TFB1M: variants seen among roughly 807,000 people sequenced by gnomAD.
The protein encoded by TFB1M is transcription factor B1, mitochondrial, also known as dimethyladenosine transferase 1, mitochondrial.
Under a neutral mutation model 31.1 loss-of-function variants are expected in TFB1M, and 27 were observed. The ratio of observed to expected loss-of-function variants is 0.87; its 90% CI spans 0.64 to 1.20. TFB1M has a LOEUF of 1.20. Ranked by LOEUF, TFB1M falls within the 50% of genes most tolerant of loss-of-function variation. The probability of loss-of-function intolerance (pLI) is 0.00; values close to 1 mark genes in which losing one functional copy is unlikely to be tolerated. For missense variants in TFB1M, 394 were observed against 418.7 expected (o/e 0.94, Z 0.51); for synonymous variants, 166 against 151.8 (o/e 1.09, Z -0.69).
intron 5 of TFB1M, among the ~76,000 whole-genome samples, chr6:155,281,663 A>G (rs993891877): frequency 1.4e-5 from 2 of 139,438 alleles, no homozygotes; most frequent in African/African-American, 5.3e-5. Context: ...TGGAGGTTGC[A>G]GTGAGCCGAG....
At position 155,256,610 on chromosome 6, in the gene TFB1M, GC is replaced by G; in HGVS notation, c.*1225del. The G allele has an allele frequency of 1.2e-6, 2 of 1,614,164 alleles. No homozygotes were observed. The highest frequency in any genetic ancestry group is 1.7e-6 in the Non-Finnish European group (2 of 1,180,012). The stretch of plus-strand genomic sequence containing the variant: ...AGCAGCGGCACCCAGAGCAGCGGCT[GC>G]CCCACGGCTGAGGGCAGGCAGGACT... On this transcript the variant is annotated 3_prime_UTR_variant, in exon 7 of 7. Coordinates refer to ENST00000367166, the MANE Select transcript of TFB1M (RefSeq NM_016020.4).
intron 2 of TFB1M, among the ~76,000 whole-genome samples, chr6:155,306,945 TC>T (rs1777793429): frequency 6.6e-6 from 1 of 151,860 alleles, no homozygotes; most frequent in Non-Finnish European, 1.5e-5. Flanking sequence ...AATGGTGAAA[TC>T]CCATTTCTAC....
chr6:155,256,867 G>T lies in TFB1M; in HGVS notation c.*969C>A. On this transcript the variant is annotated 3_prime_UTR_variant, in exon 7 of 7. Coordinates refer to ENST00000367166, the MANE Select transcript of TFB1M (RefSeq NM_016020.4). ...GCAGCCTGGCCCGGAGTCGGGTGAG[G>T]GTCAGAAAGGAGGAGAGCAGCCCAA... is the stretch of plus-strand genomic sequence containing the variant. 6.2e-6 allele frequency: 10 copies of T among 1,614,154 alleles called. No homozygotes were observed. The highest frequency in any genetic ancestry group is 8.5e-6 in the Non-Finnish European group (10 of 1,180,028).
chr6:155,267,564 G>A (rs897127133), intron 5 of TFB1M, among the ~76,000 whole-genome samples: 3 of 152,216 alleles, frequency 2.0e-5, no homozygotes, highest in African/African-American at 7.2e-5. Context: ...AGTGACGACA[G>A]CAGGTAAAAC....
chr6:155,311,024 G>T, intron 2 of TFB1M, 164 bp downstream of exon 2: 1 of 755,970 alleles, frequency 1.3e-6, no homozygotes. Context: ...GAGATTTCCA[G>T]ATTTCTCCAG....
At chr6:155,251,874 G>A (rs1257455069), downstream of TFB1M, 14 of 1,229,022 alleles carry the variant, frequency 1.1e-5, no homozygotes, top group Middle Eastern at 2.5e-4. Flanking sequence ...CTGTTAAGAC[G>A]TTCAGCTCTA....
rs111319813 is a variant in TFB1M at position 155,256,247 on chromosome 6, A to G, written c.*1589T>C. 1,510 of 614,732 alleles carry G rather than the reference A, an allele frequency of 2.5e-3. 23 individuals are homozygous for G. In the African/African-American group the frequency reaches 0.026, roughly 10 times the overall value. The allele number at this position is 614,732 out of a possible 1,614,324, so 38.1% of individuals were successfully genotyped here. A position where few individuals can be genotyped will look rare whatever the true frequency, so the allele number is the denominator to read the frequency against. On this transcript the variant is annotated 3_prime_UTR_variant, in exon 7 of 7. Coordinates refer to ENST00000367166, the MANE Select transcript of TFB1M (RefSeq NM_016020.4). The stretch of plus-strand genomic sequence containing the variant: ...TCTAGTGTCTAGTTCTATTTACATA[A>G]TTGAGCTCTGGTAATCTAAAAATGC...
intron 2 of TFB1M, among the ~76,000 whole-genome samples, chr6:155,305,230 AT>A (rs1562424752): frequency 0.17 from 7,709 of 45,808 alleles, 2,228 homozygotes; most frequent in East Asian, 0.86. Context: ...TTATATATAT[AT>A]ATTAAATTAT....
chr6:155,306,611 A>G (rs1354755322), intron 2 of TFB1M, among the ~76,000 whole-genome samples: 1 of 152,196 alleles, frequency 6.6e-6, no homozygotes, highest in African/African-American at 2.4e-5. Context: ...TAAGTAAAAG[A>G]TACCAGACCA....
intron 5 of TFB1M, among the ~76,000 whole-genome samples, chr6:155,273,353 CA>C (rs1234748184): frequency 1.3e-5 from 2 of 152,140 alleles, no homozygotes; most frequent in African/African-American, 4.8e-5. Context: ...AGATTATGAA[CA>C]AAAACAGAAC....
At chr6:155,240,761 T>C in the TFB1M span, 1 of 1,555,304 alleles carries the variant, frequency 6.4e-7, no homozygotes, top group Non-Finnish European at 8.7e-7. Flanking sequence ...TGATGGCAAG[T>C]GGTATGCTGG....
rs530792294 is a variant in TFB1M, at chr6:155,272,933, G to A, written c.666+12225C>T. 5.8e-4 allele frequency among the ~76,000 whole-genome samples: 89 copies of A among 152,270 alleles called. 3 individuals carry two copies. The South Asian group carries it at 0.016, about 28-fold the overall frequency. The stretch of plus-strand genomic sequence containing the variant: ...GGAAGAAAAGGATTATAATTGGTAA[G>A]CTGAACATAGATTGACAACAAAGGT... On this transcript the variant is annotated intron_variant, in intron 5 of 6. Coordinates refer to ENST00000367166, the MANE Select transcript of TFB1M (RefSeq NM_016020.4).
At chr6:155,293,738 A>G (rs1777035780) in intron 4 of TFB1M, among the ~76,000 whole-genome samples, 1 of 152,148 alleles carries the variant, frequency 6.6e-6, no homozygotes. Flanking sequence ...TTTCAAAATA[A>G]TTATTTATCT....
downstream of TFB1M, chr6:155,253,554 T>G (rs1357973228): frequency 5.8e-6 from 1 of 172,462 alleles, no homozygotes; most frequent in Non-Finnish European, 1.2e-5. Context: ...CCTGCTGGGC[T>G]TCTGTTTAAC....
the TFB1M span, among the ~76,000 whole-genome samples, chr6:155,230,914 A>T: frequency 6.6e-6 from 1 of 151,600 alleles, no homozygotes; most frequent in Non-Finnish European, 1.5e-5. Flanking sequence ...GCTCACTGCA[A>T]CCTCTGCCTC....
chr6:155,241,380 G>C, the TFB1M span, among the ~76,000 whole-genome samples: 1 of 152,220 alleles, frequency 6.6e-6, no homozygotes, highest in Admixed American at 6.5e-5. Context: ...TCATTTGTCA[G>C]TTACTGAAGC....
the TFB1M span, chr6:155,244,911 A>G: frequency 8.5e-7 from 1 of 1,178,310 alleles, no homozygotes; most frequent in Non-Finnish European, 1.1e-6. Flanking sequence ...TCCTGTGACT[A>G]TTTCCTTGCA....
chr6:155,267,626 C>T (rs939342230), intron 5 of TFB1M, among the ~76,000 whole-genome samples: 3 of 152,150 alleles, frequency 2.0e-5, no homozygotes, highest in Non-Finnish European at 4.4e-5. Context: ...TAAAACTGGT[C>T]TTGGTGTTAC....
Position 155,263,511 on chromosome 6 carries a change from T to C in TFB1M, c.667-3111A>G, listed in dbSNP as rs544249991. ...ACAAGCTAAGACTGTTTCTCAGTGT[T>C]AGCAGCCTTGGCCATAACAGGCCCG... On this transcript the variant is annotated intron_variant, in intron 5 of 6. Transcript: ENST00000367166. Among the ~76,000 whole-genome samples the C allele has an allele frequency of 1.3e-4, 20 of 152,306 alleles. 1 individual carries two copies. The highest frequency in any genetic ancestry group is 4.6e-4 in the African/African-American group (19 of 41,582).
Sources: allele counts gnomAD v4.1 joint callset (sites outside exome capture counted in the v4.1 genomes callset), GRCh38; gene constraint gnomAD v4.1.1; transcripts MANE v1.5; gene names NCBI Gene and HGNC (gene_info 2026-07-23, HGNC 2026-07-21).